The following ZNF676 variants were observed in gnomAD, a reference collection of about 807,000 sequenced individuals.
ZNF676 encodes zinc finger protein 676.
Under a neutral mutation model 6.0 loss-of-function variants are expected in ZNF676, and 4 were observed. The ratio of observed to expected loss-of-function variants is 0.67; its 90% confidence interval spans 0.33 to 1.53. The LOEUF is 1.53. Ranked by LOEUF, ZNF676 falls within the 40% of genes most tolerant of loss-of-function variation. ZNF676 has a pLI of 0.06. For synonymous variants in ZNF676, 198 were observed against 223.1 expected, an observed-to-expected ratio of 0.89 and a Z score of 1.00; for missense variants, 644 against 679.7, an observed-to-expected ratio of 0.95 and a Z score of 0.58.
chr19:22,229,301 G>A, the ZNF676 span, among the ~76,000 whole-genome samples: 1 of 152,140 alleles, frequency 6.6e-6, no homozygotes. Flanking sequence ...CTAGCCATAT[G>A]CAGAAAACTG....
the ZNF676 span, among the ~76,000 whole-genome samples, chr19:22,239,342 A>C: frequency 6.6e-6 from 1 of 150,428 alleles, no homozygotes; most frequent in Non-Finnish European, 1.5e-5. Flanking sequence ...TGCCCGGCTA[A>C]TTTTTTTTTG....
chr19:22,236,326 C>T, the ZNF676 span, among the ~76,000 whole-genome samples: 10 of 152,162 alleles, frequency 6.6e-5, no homozygotes, highest in Middle Eastern at 0.01. Flanking sequence ...TCTTGGGACC[C>T]ACTTGATCAA....
At chr19:22,202,756 T>C (rs370796768) in intron 1 of ZNF676, among the ~76,000 whole-genome samples, 63 of 152,322 alleles carry the variant, frequency 4.1e-4, no homozygotes, top group African/African-American at 1.4e-3. Context: ...CCTGAATTCA[T>C]CTGGTAGCTG....
chr19:22,209,586 C>T (rs2024110397), intron 1 of ZNF676, among the ~76,000 whole-genome samples: 1 of 152,140 alleles, frequency 6.6e-6, no homozygotes, highest in African/African-American at 2.4e-5. Flanking sequence ...CCACACCAAA[C>T]TCCCATGACA....
the ZNF676 span, among the ~76,000 whole-genome samples, chr19:22,234,255 CT>C: frequency 6.6e-6 from 1 of 152,194 alleles, no homozygotes; most frequent in Non-Finnish European, 1.5e-5. Flanking sequence ...AGGCCATAGT[CT>C]TTTCTTCCTC....
chr19:22,235,759 CAA>C, the ZNF676 span, among the ~76,000 whole-genome samples: 1 of 152,098 alleles, frequency 6.6e-6, no homozygotes, highest in Non-Finnish European at 1.5e-5. Context: ...GATTATGACA[CAA>C]AGCCAGAGAG....
chr19:22,198,247 C>G (rs145269137), upstream of ZNF676, among the ~76,000 whole-genome samples: 419 of 152,252 alleles, frequency 2.8e-3, 2 homozygotes, highest in African/African-American at 8.9e-3. Flanking sequence ...CACAAAGGGA[C>G]ATTTTTAATA....
At chr19:22,215,705 G>C in exon 1 of ZNF676, 11 of 1,577,760 alleles carry the variant, frequency 7.0e-6, no homozygotes, top group South Asian at 6.7e-5. Context: ...TAGGGCCACA[G>C]AGGCTGGGAC....
chr19:22,253,515 T>TG, the ZNF676 span, among the ~76,000 whole-genome samples: 1 of 134,204 alleles, frequency 7.5e-6, no homozygotes, highest in South Asian at 2.7e-4. Flanking sequence ...TATATATATG[T>TG]ATATATACAC....
At chr19:22,232,836 A>G in the ZNF676 span, among the ~76,000 whole-genome samples, 1 of 152,314 alleles carries the variant, frequency 6.6e-6, no homozygotes, top group African/African-American at 2.4e-5. Context: ...AGGTTGAGAT[A>G]AATATTTTGA....
chr19:22,180,674 C>T lies in ZNF676; in HGVS notation c.1043G>A (p.Arg348Gln), dbSNP rs764804869. The change falls in exon 3 of 3, where the codon CGA becomes CAA. Residue 348 changes from arginine to glutamine, a missense_variant. By Grantham distance (43) the Arg-to-Gln change is conservative. Coordinates refer to ENST00000397121, the MANE Select transcript of ZNF676 (RefSeq NM_001001411.3). The part of the protein sequence containing the change: ...KCEECGKAFN[R>Q]SSILTKHKII... ...CTTATGTTTAGTAAGGATTGAGGAT[C>T]GATTAAAAGCTTTCCCGCATTCTTC... 1.8e-5 allele frequency: 29 copies of T among 1,610,506 alleles called. No individual in the cohort carries two copies. Among genetic ancestry groups the T allele is most frequent in the Non-Finnish European group, 1.8e-5 (21 of 1,178,706 alleles).
the ZNF676 span, among the ~76,000 whole-genome samples, chr19:22,235,156 G>GGAAGGAAAC: frequency 6.7e-6 from 1 of 150,034 alleles, no homozygotes; most frequent in East Asian, 2.0e-4. Flanking sequence ...AGGAAGGAAA[G>GGAAGGAAAC]AAAGAAAGAA....
intron 2 of ZNF676, 123 bp from the exon 3 acceptor site, chr19:22,181,709 G>T: frequency 1.5e-6 from 1 of 676,216 alleles, no homozygotes; most frequent in East Asian, 2.8e-5. Context: ...TATGACACAG[G>T]CCCTAATTCT....
the ZNF676 span, among the ~76,000 whole-genome samples, chr19:22,241,617 G>A: frequency 6.6e-6 from 1 of 151,040 alleles, no homozygotes; most frequent in African/African-American, 2.4e-5. Flanking sequence ...TGTGAGGACG[G>A]TCTCTCTATC....
At chr19:22,185,382 A>G (rs2023822449) in intron 2 of ZNF676, among the ~76,000 whole-genome samples, 2 of 152,200 alleles carry the variant, frequency 1.3e-5, no homozygotes, top group Non-Finnish European at 2.9e-5. Context: ...ATCAAAGACC[A>G]AAAGTCAATA....
At chr19:22,252,349 C>T in the ZNF676 span, among the ~76,000 whole-genome samples, 112 of 145,006 alleles carry the variant, frequency 7.7e-4, no homozygotes, top group Non-Finnish European at 1.5e-3. Flanking sequence ...GAGCTGAGAT[C>T]GTGCCACTGC....
rs780018031 is a variant in ZNF676, at chr19:22,180,569, T to C, written c.1148A>G (p.His383Arg). Residue 383 changes from histidine (H) to arginine (R), a missense_variant, in exon 3 of 3, where the codon CAT becomes CGT. This residue lies in a region of ZNF676 where 306 missense variants were observed against 265.4 expected (regional missense o/e 1.15). Transcript: ENST00000397121. ...AFSKVSTLNT[H>R]KAIHAEEKPY... ...CTTCTCTTCAGCATGAATTGCCTTA[T>C]GTGTATTAAGGGTTGAGACCTTACT... 6 of 1,613,004 alleles carry C rather than the reference T, an allele frequency of 3.7e-6. No homozygotes were observed. The highest frequency in any genetic ancestry group is 1.1e-5 in the South Asian group (1 of 91,048).
chr19:22,236,810 G>A, the ZNF676 span, among the ~76,000 whole-genome samples: 1 of 152,316 alleles, frequency 6.6e-6, no homozygotes, highest in African/African-American at 2.4e-5. Context: ...TGATGAATCA[G>A]CCAATGCTGG....
the ZNF676 span, among the ~76,000 whole-genome samples, chr19:22,232,686 A>G: frequency 6.6e-6 from 1 of 152,158 alleles, no homozygotes; most frequent in East Asian, 1.9e-4. Flanking sequence ...AAGTCTTAAC[A>G]TAATTTTTAA....
Sources: gnomAD v4.1 joint callset for allele counts (sites outside exome capture counted in the v4.1 genomes callset) on GRCh38, gnomAD v4.1.1 for gene constraint, gnomAD v4.1.1 regional missense constraint, MANE v1.5 for transcripts, NCBI Gene and HGNC (gene_info 2026-07-23, HGNC 2026-07-21) for gene names.